The following HERPUD1 variants were observed in gnomAD, a reference collection of about 807,000 sequenced individuals.
HERPUD1 encodes homocysteine-responsive endoplasmic reticulum-resident ubiquitin-like domain member 1 protein.
HERPUD1 carries 17 observed loss-of-function variants against 45.0 expected under a neutral mutation model. The ratio of observed to expected loss-of-function variants is 0.38; its 90% CI spans 0.26 to 0.57. The LOEUF is 0.57. Among genes scored for constraint, HERPUD1 ranks in the 20% least tolerant of loss-of-function variants. The probability of loss-of-function intolerance (pLI) is 0.72; values close to 1 mark genes in which losing one functional copy is unlikely to be tolerated. For synonymous variants in HERPUD1, 164 were observed against 177.5 expected, an observed-to-expected ratio of 0.92 and a Z score of 0.61; for missense variants, 420 against 490.5, an observed-to-expected ratio of 0.86 and a Z score of 1.36.
chr16:56,932,413 C>T (rs761871859), intron 1 of HERPUD1, 22 bp downstream of exon 1: 3 of 1,533,332 alleles, frequency 2.0e-6, no homozygotes, highest in African/African-American at 2.8e-5. Context: ...CCCGACTTCC[C>T]GCCCCTAGGC....
intron 6 of HERPUD1, 40 bp downstream of exon 6, chr16:56,940,285 G>A: frequency 2.1e-6 from 3 of 1,396,852 alleles, no homozygotes; most frequent in Non-Finnish European, 3.0e-6. Context: ...ACACTACACT[G>A]TGTTCACACT....
rs1269376835 is a variant in HERPUD1 at position 56,934,251 on chromosome 16, T to C, written c.148-984T>C. ...AGTACAATTTAGACGGAGTTTCAAA[T>C]AGATTTTAAAAATGAGATTTGTATA... On this transcript the variant is annotated intron_variant, in intron 1 of 7. Coordinates refer to ENST00000439977, the MANE Select transcript of HERPUD1 (RefSeq NM_014685.4). Among the ~76,000 whole-genome samples the C allele has an allele frequency of 5.9e-5, 9 of 152,328 alleles. No individual in the cohort carries two copies. In the East Asian group the frequency reaches 1.7e-3, roughly 29 times the overall value.
chr16:56,932,646 C>A (rs1395900350), intron 1 of HERPUD1, among the ~76,000 whole-genome samples: 2 of 152,260 alleles, frequency 1.3e-5, no homozygotes, highest in African/African-American at 2.4e-5. Context: ...TGTTTCTCCC[C>A]CAGCGGCCAG....
chr16:56,936,764 G>A lies in HERPUD1; in HGVS notation c.378G>A (p.Arg126=), dbSNP rs1054794204. Residue 126 remains arginine (R), a synonymous_variant, in exon 4 of 8, where the codon AGG becomes AGA. Transcript: ENST00000439977. ...YPEDSSSDGL[R]QREVLRNLSS... ...AGGATTCCTCAAGTGATGGTTTAAGGCAAAGGGAAGTTCTTCGGAACCTTT... is the reference window on the plus strand; with the variant it reads ...AGGATTCCTCAAGTGATGGTTTAAGACAAAGGGAAGTTCTTCGGAACCTTT... 1.2e-6 allele frequency: 2 copies of A among 1,614,092 alleles called. No individual in the cohort carries two copies. The highest frequency in any genetic ancestry group is 1.7e-6 in the Non-Finnish European group (2 of 1,179,978).
chr16:56,936,861 T>C (rs762464773), intron 4 of HERPUD1, 44 bp downstream of exon 4: 6 of 1,599,488 alleles, frequency 3.8e-6, no homozygotes, highest in Admixed American at 3.4e-5. Flanking sequence ...ACATGAATGT[T>C]CCTCGTTTGC....
intron 1 of HERPUD1, chr16:56,933,210 C>T (rs1275533831): frequency 6.6e-6 from 3 of 454,212 alleles, no homozygotes; most frequent in African/African-American, 6.0e-5. Context: ...TTCTTCATCA[C>T]ACAGGAGAGG....
At position 56,942,089 on chromosome 16, in the gene HERPUD1, T is replaced by C. The variant is rs140473245; in HGVS notation, c.906-43T>C. The C allele has an allele frequency of 1.2e-4, 180 of 1,501,126 alleles. No individual in the cohort carries two copies. In the African/African-American group the frequency reaches 1.3e-3, roughly 11 times the overall value. The allele number at this position is 1,501,126 out of a possible 1,614,324, so 93.0% of individuals were successfully genotyped here. On this transcript the variant is annotated intron_variant, in intron 6 of 7. Transcript: ENST00000439977. ...CCTTGGATTCTTGAGTAAGTCTCAC[T>C]GTGACATCAGCTAAGATGGACTTTT... is the stretch of plus-strand genomic sequence containing the variant.
Position 56,939,377 on chromosome 16 carries a change from T to C in HERPUD1, c.554+18T>C, listed in dbSNP as rs752116298. On this transcript the variant is annotated intron_variant, in intron 5 of 7. Transcript: ENST00000439977. ...ATGCAATAGTGAGTCCTTCCCGCCA[T>C]GCTGGGTGTGGCCAGGGCTCCCGGG... The C allele has an allele frequency of 6.2e-7, 1 of 1,613,964 alleles. No individual in the cohort carries two copies. Among genetic ancestry groups the C allele is most frequent in the Admixed American group, 1.7e-5 (1 of 60,012 alleles).
Position 56,940,144 on chromosome 16 carries a change from C to CTAT in HERPUD1, c.806_808dup (p.Tyr269dup), listed in dbSNP as rs2055898276. On this transcript the variant is annotated inframe_insertion, in exon 6 of 8. Transcript: ENST00000439977. The stretch of plus-strand genomic sequence containing the variant: ...TAAATCGAGATTGGTTGGATTGGAC[C>CTAT]TATTCAGCAGCTACATTTTCTGTTT... 1 of 1,614,164 alleles carries CTAT rather than the reference C, an allele frequency of 6.2e-7. No individual in the cohort carries two copies. The highest frequency in any genetic ancestry group is 1.7e-5 in the Admixed American group (1 of 60,010).
At chr16:56,943,071 A>T in intron 7 of HERPUD1, 55 bp from the exon 8 acceptor site, 3 of 1,557,288 alleles carry the variant, frequency 1.9e-6, no homozygotes, top group Non-Finnish European at 2.7e-6. Context: ...GGTGTTCATC[A>T]TAGCCCTAAT....
chr16:56,943,521 T>C lies in HERPUD1; in HGVS notation c.*231T>C. 1 of 578,472 alleles carries C rather than the reference T, an allele frequency of 1.7e-6. No homozygotes were observed. The highest frequency in any genetic ancestry group is 3.1e-6 in the Non-Finnish European group (1 of 321,444). The allele number at this position is 578,472 out of a possible 1,614,324, so 35.8% of individuals were successfully genotyped here. A position where few individuals can be genotyped will look rare whatever the true frequency, so the allele number is the denominator to read the frequency against. On this transcript the variant is annotated 3_prime_UTR_variant, in exon 8 of 8. Coordinates refer to ENST00000439977, the MANE Select transcript of HERPUD1 (RefSeq NM_014685.4). ...CTTTATTCTGAAGAGCTTTAATATA[T>C]ACTCTATGTAGTTTAATAAGCACTG... is the stretch of plus-strand genomic sequence containing the variant.
intron 6 of HERPUD1, 67 bp downstream of exon 6, chr16:56,940,312 T>C: frequency 8.2e-7 from 1 of 1,212,300 alleles, no homozygotes; most frequent in South Asian, 1.4e-5. Context: ...ATTTTGCTCT[T>C]TTTGTTTCTT....
Position 56,932,439 on chromosome 16 carries a change from T to C in HERPUD1, c.147+48T>C, listed in dbSNP as rs1292323277. The C allele has an allele frequency of 2.8e-6, 4 of 1,451,378 alleles. No individual in the cohort carries two copies. In the African/African-American group the frequency reaches 4.3e-5, roughly 16 times the overall value. 89.9% of individuals were successfully genotyped at this position (1,451,378 alleles called of 1,614,324 possible). On this transcript the variant is annotated intron_variant, in intron 1 of 7. Transcript: ENST00000439977. ...GCCCCTAGGCTGTGGCCCCCCGCCC[T>C]CTGCTGGGGATGCCACGTCCGGCTG...
intron 1 of HERPUD1, among the ~76,000 whole-genome samples, chr16:56,933,766 A>C (rs576740922): frequency 1.1e-4 from 16 of 152,352 alleles, no homozygotes; most frequent in Non-Finnish European, 2.1e-4. Context: ...CAAATCAGCC[A>C]TCTGTGTGAA....
chr16:56,938,127 A>G (rs1391423367), intron 4 of HERPUD1, among the ~76,000 whole-genome samples: 13 of 151,884 alleles, frequency 8.6e-5, no homozygotes, highest in Admixed American at 7.9e-4. Flanking sequence ...CACATAACCA[A>G]TTTCTGATCT....
chr16:56,936,872 A>T, intron 4 of HERPUD1, 55 bp downstream of exon 4: 1 of 1,590,990 alleles, frequency 6.3e-7, no homozygotes, highest in South Asian at 1.1e-5. Flanking sequence ...CCTCGTTTGC[A>T]TCAATTTAAG....
rs543368462 is a variant in HERPUD1 at position 56,932,433 on chromosome 16, C to T, written c.147+42C>T. 213 of 1,481,944 alleles carry T rather than the reference C, an allele frequency of 1.4e-4. 1 individual carries two copies. In the South Asian group the frequency reaches 2.5e-3, roughly 17 times the overall value. 91.8% of individuals were successfully genotyped at this position (1,481,944 alleles called of 1,614,324 possible). A position where few individuals can be genotyped will look rare whatever the true frequency, so the allele number is the denominator to read the frequency against. On this transcript the variant is annotated intron_variant, in intron 1 of 7. Transcript: ENST00000439977. ...CTTCCCGCCCCTAGGCTGTGGCCCC[C>T]CGCCCTCTGCTGGGGATGCCACGTC... is the stretch of plus-strand genomic sequence containing the variant.
chr16:56,934,156 G>A (rs1344993131), intron 1 of HERPUD1, among the ~76,000 whole-genome samples: 2 of 152,192 alleles, frequency 1.3e-5, no homozygotes, highest in African/African-American at 4.8e-5. Context: ...TCTGGCAAGA[G>A]TAGATTAACA....
intron 4 of HERPUD1, 55 bp from the exon 5 acceptor site, chr16:56,939,182 C>T: frequency 6.4e-7 from 1 of 1,563,452 alleles, no homozygotes; most frequent in Non-Finnish European, 8.7e-7. Flanking sequence ...ACTTAGTTTT[C>T]ATTTGTTCAT....
Sources: gnomAD v4.1 joint callset for allele counts (sites outside exome capture counted in the v4.1 genomes callset) on GRCh38, gnomAD v4.1.1 for gene constraint, MANE v1.5 for transcripts, NCBI Gene and HGNC (gene_info 2026-07-23, HGNC 2026-07-21) for gene names.